The following CDH6 variants were observed in gnomAD, a reference collection of about 807,000 sequenced individuals.
CDH6 encodes cadherin 6.
Under a neutral mutation model 78.0 loss-of-function variants are expected in CDH6, and 31 were observed. That is an observed-to-expected ratio of 0.40 (90% CI 0.30 to 0.54). The LOEUF is 0.54. Among genes scored for constraint, CDH6 ranks in the 20% least tolerant of loss-of-function variants. The pLI, the probability that CDH6 is intolerant of heterozygous loss-of-function variation, is 0.56. For missense variants in CDH6, 724 were observed against 975.9 expected (o/e 0.74, Z 3.44); for synonymous variants, 376 against 368.8 (o/e 1.02, Z -0.23).
chr5:31,207,264 G>C (rs930689932), intron 1 of CDH6, among the ~76,000 whole-genome samples: 1 of 152,114 alleles, frequency 6.6e-6, no homozygotes, highest in East Asian at 1.9e-4. Flanking sequence ...TCAGAATTCA[G>C]GTCTTTTAGT....
rs2287582 is a variant in CDH6, at chr5:31,302,181, C to A, written c.882C>A (p.Asp294Glu). 6.2e-7 allele frequency: 1 copy of A among 1,613,642 alleles called. No homozygotes were observed. Among genetic ancestry groups the A allele is most frequent in the Non-Finnish European group, 8.5e-7 (1 of 1,179,776 alleles). ...GTPIGRIKAS[D>E]ADVGENAEIE... ...CAATTGGCAGAATCAAAGCCAGCGA[C>A]GCTGATGTGGGAGAAAATGCTGAAA... The change falls in exon 6 of 12, where the codon GAC (aspartate) becomes GAA (glutamate). Residue 294 changes from aspartate (D) to glutamate (E), a missense_variant. Transcript: ENST00000265071.
chr5:31,291,740 T>C (rs1743169603), intron 2 of CDH6, among the ~76,000 whole-genome samples: 1 of 152,226 alleles, frequency 6.6e-6, no homozygotes, highest in South Asian at 2.1e-4. Context: ...AATTTGACGA[T>C]GGAGAGTTAA....
chr5:31,245,806 A>G (rs987104283), intron 1 of CDH6, among the ~76,000 whole-genome samples: 4 of 151,742 alleles, frequency 2.6e-5, no homozygotes, highest in Non-Finnish European at 5.9e-5. Context: ...GACACCTAGG[A>G]TAAGATTCAA....
intron 1 of CDH6, among the ~76,000 whole-genome samples, chr5:31,245,631 A>C (rs1741724553): frequency 6.6e-6 from 1 of 152,324 alleles, no homozygotes; most frequent in Non-Finnish European, 1.5e-5. Context: ...GAATGGCAGA[A>C]AGTTGAAAAC....
rs1280616771 is a variant in CDH6, at chr5:31,294,296, CT to C, written c.523+41del. ...ACTTCAGCCAAAAGCTGGCTTTCCCCTAGTGCATCCACTGAGTAAGGAATCC... is the reference window on the plus strand; with the variant it reads ...ACTTCAGCCAAAAGCTGGCTTTCCCCAGTGCATCCACTGAGTAAGGAATCC... On this transcript the variant is annotated intron_variant, in intron 3 of 11. Transcript: ENST00000265071. The surrounding 1 kb of genome is among the most constrained non-coding windows in gnomAD (Gnocchi z 4.1). The C allele has an allele frequency of 1.3e-6, 2 of 1,550,506 alleles. No homozygotes were observed. The highest frequency in any genetic ancestry group is 2.2e-5 in the East Asian group (1 of 44,568).
At chr5:31,266,129 T>A (rs1159243959) in intron 1 of CDH6, among the ~76,000 whole-genome samples, 1 of 152,080 alleles carries the variant, frequency 6.6e-6, no homozygotes, top group Non-Finnish European at 1.5e-5. Flanking sequence ...ATTTACTGTT[T>A]TTTTCGCCCA....
At chr5:31,215,855 TG>T (rs1188015222) in intron 1 of CDH6, among the ~76,000 whole-genome samples, 2 of 152,130 alleles carry the variant, frequency 1.3e-5, no homozygotes, top group African/African-American at 4.8e-5. Context: ...GAATCAAACC[TG>T]GATTATCCAA....
chr5:31,248,631 G>C (rs1240424270), intron 1 of CDH6, among the ~76,000 whole-genome samples: 1 of 152,014 alleles, frequency 6.6e-6, no homozygotes, highest in Non-Finnish European at 1.5e-5. Context: ...AAGTTGTACT[G>C]ATCTTTTTCT....
At position 31,206,124 on chromosome 5, in the gene CDH6, AATAGATAGATGACAGATAG is replaced by A. The variant is rs1204417673; in HGVS notation, c.-129+12251_-129+12269del. On this transcript the variant is annotated intron_variant, in intron 1 of 11. Transcript: ENST00000265071. ...CTATATACATGTACTGAGATCATAG[AATAGATAGATGACAGATAG>A]ATAGATAGATGATAGAATAGATGGA... Among the ~76,000 whole-genome samples the A allele has an allele frequency of 5.5e-5, 8 of 145,776 alleles. No homozygotes were observed. In the East Asian group the frequency reaches 1.2e-3, roughly 22 times the overall value.
chr5:31,258,758 GT>G, intron 1 of CDH6, among the ~76,000 whole-genome samples: 1 of 152,148 alleles, frequency 6.6e-6, no homozygotes, highest in South Asian at 2.1e-4. Flanking sequence ...TAGCTTGTAA[GT>G]TTTGTAACAA....
chr5:31,229,925 A>G (rs904849794), intron 1 of CDH6, among the ~76,000 whole-genome samples: 3 of 152,152 alleles, frequency 2.0e-5, no homozygotes, highest in Admixed American at 2.0e-4. Flanking sequence ...TCCTGGTATG[A>G]CAATTAAGAT....
At chr5:31,280,549 T>G (rs1431900130) in intron 2 of CDH6, among the ~76,000 whole-genome samples, 1 of 152,176 alleles carries the variant, frequency 6.6e-6, no homozygotes, top group African/African-American at 2.4e-5. Flanking sequence ...TGATACTCTT[T>G]CCCTATATCA....
Position 31,304,679 on chromosome 5 carries a change from G to A in CDH6, c.1000-495G>A, listed in dbSNP as rs1028447619. Among the ~76,000 whole-genome samples, 172 of 95,028 alleles carry A rather than the reference G, an allele frequency of 1.8e-3. 1 individual carries two copies. The highest frequency in any genetic ancestry group is 6.3e-3 in the African/African-American group (168 of 26,524). 62.3% of individuals were successfully genotyped at this position (95,028 alleles called of 152,430 possible). The stretch of plus-strand genomic sequence containing the variant: ...CAGCCTGGCGACAGAGCGAGACTCC[G>A]TCTCAAAAAAAAAAAAAAAAAAAAA... On this transcript the variant is annotated intron_variant, in intron 6 of 11. Transcript: ENST00000265071.
At chr5:31,254,389 G>A (rs1187578839) in intron 1 of CDH6, among the ~76,000 whole-genome samples, 1 of 152,162 alleles carries the variant, frequency 6.6e-6, no homozygotes, top group Non-Finnish European at 1.5e-5. Context: ...CAGTAAGAAC[G>A]AATCTTCTAT....
At chr5:31,208,736 A>T (rs1022170420) in intron 1 of CDH6, among the ~76,000 whole-genome samples, 1 of 152,176 alleles carries the variant, frequency 6.6e-6, no homozygotes, top group South Asian at 2.1e-4. Context: ...GAAAACCCTT[A>T]TGTATGTGTT....
At chr5:31,221,525 C>T (rs1741003566) in intron 1 of CDH6, among the ~76,000 whole-genome samples, 1 of 152,118 alleles carries the variant, frequency 6.6e-6, no homozygotes. Flanking sequence ...TATTTTTTCA[C>T]TGACCTTTAT....
At chr5:31,230,428 T>C (rs1741283179) in intron 1 of CDH6, among the ~76,000 whole-genome samples, 1 of 152,162 alleles carries the variant, frequency 6.6e-6, no homozygotes, top group African/African-American at 2.4e-5. Flanking sequence ...AGAGTATGTA[T>C]TAAAGTATTT....
intron 1 of CDH6, among the ~76,000 whole-genome samples, chr5:31,243,165 T>A (rs1356408137): frequency 6.6e-6 from 1 of 152,178 alleles, no homozygotes; most frequent in African/African-American, 2.4e-5. Flanking sequence ...TCTTCTGGTG[T>A]GAGAACCCTC....
At chr5:31,231,468 C>T (rs1741308446) in intron 1 of CDH6, among the ~76,000 whole-genome samples, 2 of 152,142 alleles carry the variant, frequency 1.3e-5, no homozygotes, top group African/African-American at 2.4e-5. Context: ...TAACAGAATG[C>T]CTGAAACTGG....
Sources: allele counts gnomAD v4.1 joint callset (sites outside exome capture counted in the v4.1 genomes callset), GRCh38; gene constraint gnomAD v4.1.1; non-coding constraint Gnocchi (gnomAD v3.1); transcripts MANE v1.5; gene names NCBI Gene and HGNC (gene_info 2026-07-23, HGNC 2026-07-21).